LEKR1: variants seen among roughly 807,000 people sequenced by gnomAD.
LEKR1 encodes protein LEKR1.
In LEKR1, 59 loss-of-function variants were observed where a neutral mutation model predicts 72.4. That is an observed-to-expected ratio of 0.82 (90% CI 0.66 to 1.01). The LOEUF (loss-of-function observed/expected upper bound fraction) is 1.01, where lower values mean the gene tolerates loss of function less well. Ranked by LOEUF, LEKR1 falls within the 50% of genes least tolerant of loss-of-function variation. LEKR1 has a pLI of 0.00. For missense variants in LEKR1, 728 were observed against 759.2 expected (o/e 0.96, Z 0.48); for synonymous variants, 257 against 263.2 (o/e 0.98, Z 0.23).
At chr3:156,905,808 T>C (rs1399429357) in intron 3 of LEKR1, among the ~76,000 whole-genome samples, 4 of 152,222 alleles carry the variant, frequency 2.6e-5, no homozygotes, top group African/African-American at 9.6e-5. Context: ...CTTCTCATAA[T>C]TGGCAGTCGT....
chr3:156,875,951 C>T (rs1453086374), intron 3 of LEKR1, among the ~76,000 whole-genome samples: 2 of 140,948 alleles, frequency 1.4e-5, no homozygotes, highest in Non-Finnish European at 3.0e-5. Context: ...GCCAAGATCG[C>T]ACCAAGGCAC....
chr3:157,001,899 G>C (rs1732043699), intron 9 of LEKR1, among the ~76,000 whole-genome samples: 1 of 152,150 alleles, frequency 6.6e-6, no homozygotes, highest in Non-Finnish European at 1.5e-5. Context: ...CAGACACATA[G>C]TCAGCTCTCA....
chr3:156,899,715 T>TATATACATGCATATATACAC (rs1560064982), intron 3 of LEKR1, among the ~76,000 whole-genome samples: 4 of 126,108 alleles, frequency 3.2e-5, no homozygotes, highest in East Asian at 2.7e-4. Flanking sequence ...TATATACACA[T>TATATACATGCATATATACAC]ATATACATGC....
chr3:156,901,824 C>T (rs1576784332), intron 3 of LEKR1, among the ~76,000 whole-genome samples: 1 of 152,170 alleles, frequency 6.6e-6, no homozygotes, highest in East Asian at 1.9e-4. Flanking sequence ...ATAGCTGGGA[C>T]TACAGGCGCC....
chr3:156,900,978 T>A (rs1254775367), intron 3 of LEKR1, among the ~76,000 whole-genome samples: 2 of 152,174 alleles, frequency 1.3e-5, no homozygotes, highest in Admixed American at 1.3e-4. Flanking sequence ...TGGTTATTTT[T>A]AATTTTTTTG....
chr3:157,011,868 A>G (rs1732918589), intron 10 of LEKR1, among the ~76,000 whole-genome samples: 2 of 152,102 alleles, frequency 1.3e-5, no homozygotes, highest in Non-Finnish European at 2.9e-5. Context: ...TTCTTCTCCT[A>G]TAAGAAGATA....
intron 2 of LEKR1, among the ~76,000 whole-genome samples, chr3:156,845,327 G>A (rs988824974): frequency 1.3e-5 from 2 of 151,792 alleles, no homozygotes; most frequent in Non-Finnish European, 2.9e-5. Flanking sequence ...CAGATCAGAA[G>A]TTTTTAAATT....
intron 3 of LEKR1, chr3:156,888,253 G>A (rs1720304091): frequency 2.9e-6 from 2 of 692,498 alleles, no homozygotes; most frequent in East Asian, 5.4e-5. Context: ...AAAAGGAAAT[G>A]CACAGTTGAT....
At chr3:156,965,171 T>C (rs1728457179) in intron 6 of LEKR1, among the ~76,000 whole-genome samples, 1 of 152,128 alleles carries the variant, frequency 6.6e-6, no homozygotes, top group Non-Finnish European at 1.5e-5. Context: ...TTATATTCAT[T>C]TTGCCAGTCT....
chr3:157,023,266 T>G (rs1733964044), intron 10 of LEKR1, among the ~76,000 whole-genome samples: 1 of 152,140 alleles, frequency 6.6e-6, no homozygotes, highest in Non-Finnish European at 1.5e-5. Flanking sequence ...CCTTTTCCAG[T>G]CTCTCTAGAT....
intron 3 of LEKR1, among the ~76,000 whole-genome samples, chr3:156,906,595 A>G (rs190483330): frequency 1.6e-4 from 25 of 152,332 alleles, no homozygotes; most frequent in Admixed American, 1.2e-3. Context: ...GTATTGTAGT[A>G]TTTCATGAAT....
chr3:156,879,973 G>A (rs138050128), intron 3 of LEKR1, among the ~76,000 whole-genome samples: 1,578 of 152,312 alleles, frequency 0.01, 15 homozygotes, highest in Non-Finnish European at 0.015. Context: ...CAGGGGCTGG[G>A]CCCTCATGGA....
intron 6 of LEKR1, 60 bp downstream of exon 6, chr3:156,942,774 T>A: frequency 1.4e-6 from 1 of 709,114 alleles, no homozygotes; most frequent in Middle Eastern, 3.0e-4. Context: ...GAATAAATGT[T>A]TACATTTTTA....
At chr3:157,007,729 C>G (rs2108020303) in intron 9 of LEKR1, among the ~76,000 whole-genome samples, 1 of 152,314 alleles carries the variant, frequency 6.6e-6, no homozygotes, top group Non-Finnish European at 1.5e-5. Context: ...AGAGCTGCTC[C>G]CTGGGCTCTC....
chr3:157,007,108 A>C (rs1359080663), intron 9 of LEKR1, among the ~76,000 whole-genome samples: 1 of 152,220 alleles, frequency 6.6e-6, no homozygotes, highest in Non-Finnish European at 1.5e-5. Context: ...AGGCTGAGGC[A>C]GGAGAATGGC....
chr3:156,950,902 T>TCG (rs1276982731), intron 6 of LEKR1, among the ~76,000 whole-genome samples: 37 of 151,720 alleles, frequency 2.4e-4, no homozygotes, highest in African/African-American at 6.3e-4. Context: ...TCCAATGCTA[T>TCG]ATCGAGTAGG....
intron 10 of LEKR1, among the ~76,000 whole-genome samples, chr3:157,020,760 G>A (rs1733771114): frequency 6.6e-6 from 1 of 152,034 alleles, no homozygotes. Flanking sequence ...TGTCTTTATA[G>A]CAGCATGATT....
At chr3:156,870,888 T>A (rs1047584066) in intron 3 of LEKR1, among the ~76,000 whole-genome samples, 4 of 152,124 alleles carry the variant, frequency 2.6e-5, no homozygotes, top group Admixed American at 6.6e-5. Context: ...GAAGGGACAT[T>A]GAACTTTATC....
chr3:157,019,592 TTTC>T (rs372567957), intron 10 of LEKR1, among the ~76,000 whole-genome samples: 311 of 152,304 alleles, frequency 2.0e-3, no homozygotes, highest in African/African-American at 7.1e-3. Flanking sequence ...AAATCATAAT[TTTC>T]TTCTTATCAA....
Sources: allele counts gnomAD v4.1 joint callset (sites outside exome capture counted in the v4.1 genomes callset), GRCh38; gene constraint gnomAD v4.1.1; transcripts MANE v1.5; gene names NCBI Gene and HGNC (gene_info 2026-07-23, HGNC 2026-07-21).